Variants in PHF20L1 observed in about 807,000 individuals in gnomAD.
The protein encoded by PHF20L1 is PHD finger protein 20 like 1.
A neutral mutation model predicts 125.5 loss-of-function variants in PHF20L1; 44 were observed. The observed-to-expected ratio is 0.35, with a 90% CI of 0.28 to 0.45. PHF20L1 has a LOEUF of 0.45. Among genes scored for constraint, PHF20L1 ranks in the 20% least tolerant of loss-of-function variants. PHF20L1 has a pLI of 1.00. For synonymous variants in PHF20L1, 380 were observed against 403.1 expected, an observed-to-expected ratio of 0.94 and a Z score of 0.69; for missense variants, 1,012 against 1,217.2, an observed-to-expected ratio of 0.83 and a Z score of 2.51.
At chr8:132,794,885 T>G in intron 4 of PHF20L1, 68 bp downstream of exon 4, 1 of 965,240 alleles carries the variant, frequency 1.0e-6, no homozygotes. Context: ...ATTTTAAATT[T>G]TAATTAGTGT....
chr8:132,804,902 C>T (rs1833506738), intron 8 of PHF20L1, among the ~76,000 whole-genome samples, 162 bp downstream of exon 8: 5 of 151,810 alleles, frequency 3.3e-5, no homozygotes, highest in South Asian at 2.1e-4. Context: ...CTTTCAACAC[C>T]GTCAGCTTTT....
At chr8:132,813,683 C>G (rs1261330317) in intron 9 of PHF20L1, among the ~76,000 whole-genome samples, 1 of 151,928 alleles carries the variant, frequency 6.6e-6, no homozygotes, top group Non-Finnish European at 1.5e-5. Context: ...ATATATTTTG[C>G]TCTCAGATAA....
At chr8:132,843,140 C>A in intron 19 of PHF20L1, 1 of 1,114,456 alleles carries the variant, frequency 9.0e-7, no homozygotes, top group Non-Finnish European at 1.1e-6. Flanking sequence ...CATTTCGATG[C>A]TTCTAAAAAA....
chr8:132,792,971 T>C (rs907613598), intron 2 of PHF20L1, among the ~76,000 whole-genome samples: 34 of 150,380 alleles, frequency 2.3e-4, no homozygotes, highest in African/African-American at 6.3e-4. Context: ...TTTCTTTTTT[T>C]TTTTTTTTTT....
chr8:132,786,986 A>G (rs1172463403), intron 2 of PHF20L1, among the ~76,000 whole-genome samples: 1 of 152,120 alleles, frequency 6.6e-6, no homozygotes, highest in Non-Finnish European at 1.5e-5. Flanking sequence ...ATGTTAAGAA[A>G]TAGAACTGGG....
At chr8:132,810,251 C>G (rs760592849) in intron 8 of PHF20L1, 1 of 152,056 alleles carries the variant, frequency 6.6e-6, no homozygotes, top group Non-Finnish European at 1.5e-5. Flanking sequence ...ACCATGTTGG[C>G]CAGACTGGTC....
chr8:132,804,683 A>G lies in PHF20L1; in HGVS notation c.790A>G (p.Lys264Glu). 6.2e-7 allele frequency: 1 copy of G among 1,610,150 alleles called. No individual in the cohort carries two copies. Among genetic ancestry groups the G allele is most frequent in the Non-Finnish European group, 8.5e-7 (1 of 1,177,096 alleles). Reference protein sequence around the residue: ...QPESTLSNKRKNNQGNSFQAK... With the variant: ...QPESTLSNKRENNQGNSFQAK... ...AGAGAGCACATTATCAAACAAGAGG[A>G]AAAATAATCAAGGCAACTCGTTTCA... The change falls in exon 8 of 21, where the codon AAA becomes GAA. Residue 264 changes from lysine to glutamate, a missense_variant. Physicochemically the swap from Lys to Glu is moderately conservative, Grantham distance 56. This residue lies in a region of PHF20L1 where 134 missense variants were observed against 145.9 expected (regional missense o/e 0.92). Transcript: ENST00000395386.
chr8:132,814,559 C>A, intron 9 of PHF20L1, 78 bp from the exon 10 acceptor site: 1 of 994,806 alleles, frequency 1.0e-6, no homozygotes, highest in Non-Finnish European at 1.4e-6. Context: ...ACTAAAGTTG[C>A]TTAACAGTCA....
chr8:132,804,903 G>T (rs1322773270), intron 8 of PHF20L1, among the ~76,000 whole-genome samples, 163 bp downstream of exon 8: 2 of 151,854 alleles, frequency 1.3e-5, no homozygotes, highest in Admixed American at 6.6e-5. Flanking sequence ...TTTCAACACC[G>T]TCAGCTTTTT....
intron 2 of PHF20L1, among the ~76,000 whole-genome samples, chr8:132,779,866 A>G (rs1427599213): frequency 1.3e-5 from 2 of 152,188 alleles, no homozygotes; most frequent in Non-Finnish European, 2.9e-5. Flanking sequence ...TCTTCTTGCC[A>G]CAAAATTCAT....
rs1204804282 is a variant in PHF20L1, at chr8:132,814,973, T to C, written c.1183+84T>C. The C allele has an allele frequency of 2.7e-6, 3 of 1,128,448 alleles. No homozygotes were observed. The African/African-American group carries it at 4.8e-5, about 18-fold the overall frequency. 69.9% of individuals were successfully genotyped at this position (1,128,448 alleles called of 1,614,324 possible). A position where few individuals can be genotyped will look rare whatever the true frequency, so the allele number is the denominator to read the frequency against. ...TGATTGTAGTTATATTGTATTTTTATGAAGTTGCTTTTTAAAAACTCAAGT... is the reference window on the plus strand; with the variant it reads ...TGATTGTAGTTATATTGTATTTTTACGAAGTTGCTTTTTAAAAACTCAAGT... On this transcript the variant is annotated intron_variant, in intron 10 of 20. Coordinates refer to ENST00000395386, the MANE Select transcript of PHF20L1 (RefSeq NM_016018.5).
chr8:132,830,812 A>T (rs534959234), intron 14 of PHF20L1, among the ~76,000 whole-genome samples: 2 of 152,052 alleles, frequency 1.3e-5, no homozygotes, highest in South Asian at 2.1e-4. Context: ...AAGATTTCCC[A>T]TCTTACAGAG....
chr8:132,839,199 G>T (rs1200011578), intron 17 of PHF20L1, 188 bp from the exon 18 acceptor site: 1 of 564,490 alleles, frequency 1.8e-6, no homozygotes, highest in Non-Finnish European at 3.2e-6. Flanking sequence ...TCCTGGGTGG[G>T]CAGGAACGCT....
chr8:132,811,345 C>T lies in PHF20L1; in HGVS notation c.930+217C>T, dbSNP rs150533091. The stretch of plus-strand genomic sequence containing the variant: ...CATAGACTGGCATTAAAGCCTTTGT[C>T]TCCAAAATTTGAAGGCCTGGAGACA... On this transcript the variant is annotated intron_variant, in intron 9 of 20. Transcript: ENST00000395386. 8.5e-4 allele frequency: 1,052 copies of T among 1,244,834 alleles called. 9 individuals are homozygous for T. The African/African-American group carries it at 0.014, about 17-fold the overall frequency. The allele number at this position is 1,244,834 out of a possible 1,614,324, so 77.1% of individuals were successfully genotyped here. A position where few individuals can be genotyped will look rare whatever the true frequency, so the allele number is the denominator to read the frequency against.
At chr8:132,812,866 C>G in intron 9 of PHF20L1, 2 of 981,128 alleles carry the variant, frequency 2.0e-6, no homozygotes, top group Non-Finnish European at 2.4e-6. Context: ...TCAAAACTTA[C>G]TGTGCTAATG....
chr8:132,805,973 T>G (rs1425150806), intron 8 of PHF20L1, among the ~76,000 whole-genome samples: 4 of 152,012 alleles, frequency 2.6e-5, no homozygotes, highest in Non-Finnish European at 5.9e-5. Context: ...GTGTTTGTTC[T>G]TATGGCATGA....
At chr8:132,835,513 C>T (rs1468694239) in intron 15 of PHF20L1, among the ~76,000 whole-genome samples, 3 of 152,076 alleles carry the variant, frequency 2.0e-5, no homozygotes, top group Admixed American at 2.0e-4. Flanking sequence ...TTCTTTTCCT[C>T]AGTAACCTGA....
chr8:132,775,627 CAG>C lies in PHF20L1; in HGVS notation c.-51_-50del, dbSNP rs1829586717. ...GGCCCCGGACGGCCCGGCTGCTGTG[CAG>C]AGAGGAGGCCGAGTCGGTAAGAGGC... On this transcript the variant is annotated 5_prime_UTR_variant, in exon 1 of 21. Transcript: ENST00000395386. The C allele has an allele frequency of 2.9e-6, 1 of 342,516 alleles. No homozygotes were observed. Among genetic ancestry groups the C allele is most frequent in the East Asian group, 4.4e-5 (1 of 22,884 alleles). The allele number at this position is 342,516 out of a possible 1,614,324, so 21.2% of individuals were successfully genotyped here.
Position 132,836,612 on chromosome 8 carries a change from A to T in PHF20L1, c.1982A>T (p.Gln661Leu). The change falls in exon 16 of 21, where the codon CAG becomes CTG. Residue 661 changes from glutamine (Q) to leucine (L), a missense_variant. Transcript: ENST00000395386. The part of the protein sequence containing the change: ...SLLLSGDEYN[Q>L]DFDSTNFEES... ...CTTCTGAGTGGGGATGAATACAATC[A>T]GGACTTTGATTCAACCAATTTTGAG... The T allele has an allele frequency of 1.9e-6, 3 of 1,611,858 alleles. No individual in the cohort carries two copies. The highest frequency in any genetic ancestry group is 2.5e-6 in the Non-Finnish European group (3 of 1,178,158).
Sources: allele counts gnomAD v4.1 joint callset (sites outside exome capture counted in the v4.1 genomes callset), GRCh38; gene constraint gnomAD v4.1.1; regional missense constraint gnomAD v4.1.1; transcripts MANE v1.5; gene names NCBI Gene and HGNC (gene_info 2026-07-23, HGNC 2026-07-21).